RYR2: variants seen among roughly 807,000 people sequenced by gnomAD.
The protein encoded by RYR2 is cardiac muscle ryanodine receptor-calcium release channel.
In RYR2, 227 loss-of-function variants were observed where a neutral mutation model predicts 601.1. The ratio of observed to expected loss-of-function variants is 0.38; its 90% CI spans 0.34 to 0.42. The LOEUF (loss-of-function observed/expected upper bound fraction) is 0.42. Ranked by LOEUF, RYR2 falls within the 10% of genes least tolerant of loss-of-function variation. RYR2 has a pLI of 1.00. For missense variants in RYR2, 4,646 were observed against 6,156.5 expected (o/e 0.75, Z 8.21); for synonymous variants, 2,223 against 2,175.1 (o/e 1.02, Z -0.61).
intron 60 of RYR2, 81 bp downstream of exon 60, chr1:237,674,927 G>A: frequency 1.4e-6 from 1 of 727,892 alleles, no homozygotes; most frequent in Non-Finnish European, 2.3e-6. Context: ...GAACAACACA[G>A]GCTGCTGAGC....
intron 1 of RYR2, among the ~76,000 whole-genome samples, chr1:237,061,287 CT>C (rs1345082793): frequency 0.021 from 976 of 46,504 alleles, 5 homozygotes; most frequent in East Asian, 0.096. Flanking sequence ...ATCTATCTAT[CT>C]ATCTATCTAT....
At chr1:237,743,990 A>G (rs144551332) in intron 80 of RYR2, among the ~76,000 whole-genome samples, 212 of 152,220 alleles carry the variant, frequency 1.4e-3, no homozygotes, top group African/African-American at 4.9e-3. Context: ...CACCAGTTTT[A>G]TTACTTGAAA....
chr1:237,431,975 A>G (rs909346035), intron 12 of RYR2, among the ~76,000 whole-genome samples: 1 of 152,164 alleles, frequency 6.6e-6, no homozygotes, highest in East Asian at 1.9e-4. Flanking sequence ...ATCTTATTTT[A>G]TATTCTGTGA....
At position 237,187,848 on chromosome 1, in the gene RYR2, G is replaced by A. The variant is rs531124311; in HGVS notation, c.49-82649G>A. Among the ~76,000 whole-genome samples, 158 of 152,282 alleles carry A rather than the reference G, an allele frequency of 1.0e-3. 2 individuals carry two copies. Among genetic ancestry groups the A allele is most frequent in the African/African-American group, 3.5e-3 (145 of 41,566 alleles). On this transcript the variant is annotated intron_variant, in intron 1 of 104. Coordinates refer to ENST00000366574, the MANE Select transcript of RYR2 (RefSeq NM_001035.3). ...ATTTGAGATTATTTTAAGAACCTAA[G>A]TACACCTTTTAGAGCAGGGATTTCT... is the stretch of plus-strand genomic sequence containing the variant.
At chr1:237,769,865 G>A (rs150481860) in intron 84 of RYR2, among the ~76,000 whole-genome samples, 229 of 151,314 alleles carry the variant, frequency 1.5e-3, no homozygotes, top group African/African-American at 5.3e-3. Context: ...TTCCCCCCAC[G>A]GACACTTTCT....
At chr1:237,515,188 T>A (rs1475952442) in intron 24 of RYR2, among the ~76,000 whole-genome samples, 1 of 152,198 alleles carries the variant, frequency 6.6e-6, no homozygotes, top group African/African-American at 2.4e-5. Flanking sequence ...GCCTGCCAGA[T>A]GACCCTCAAA....
chr1:237,819,050 C>T lies in RYR2; in HGVS notation c.14448C>T (p.His4816=), dbSNP rs776681179. 2 of 1,613,626 alleles carry T rather than the reference C, an allele frequency of 1.2e-6. No individual in the cohort carries two copies. The highest frequency in any genetic ancestry group is 2.7e-5 in the African/African-American group (2 of 75,000). ...CDDMLTCYMF[H]MYVGVRAGGG... ...CTTTTTTCCAGTGCTATATGTTCCA[C>T]ATGTATGTTGGAGTTCGTGCTGGAG... The change falls in exon 101 of 105, where the codon CAC becomes CAT. Residue 4816 remains histidine (H), a synonymous_variant. Transcript: ENST00000366574. The surrounding 1 kb of genome is among the most constrained non-coding windows in gnomAD (Gnocchi z 4.0).
At chr1:237,590,049 G>C (rs564202316) in intron 30 of RYR2, 48 bp downstream of exon 30, 4 of 1,531,646 alleles carry the variant, frequency 2.6e-6, no homozygotes, top group Non-Finnish European at 3.6e-6. Context: ...AGCAGGAAAA[G>C]AATATCTTTA....
chr1:237,509,277 A>T (rs1386319577), intron 23 of RYR2, among the ~76,000 whole-genome samples: 1 of 152,068 alleles, frequency 6.6e-6, no homozygotes, highest in African/African-American at 2.4e-5. Flanking sequence ...CTTTTCCAAG[A>T]CCTTCCCTGA....
At position 237,740,491 on chromosome 1, in the gene RYR2, G is replaced by T. The variant is rs1691514964; in HGVS notation, c.11092-1805G>T. Among the ~76,000 whole-genome samples the T allele has an allele frequency of 1.3e-5, 2 of 151,872 alleles. 1 individual carries two copies. The highest frequency in any genetic ancestry group is 1.3e-4 in the Admixed American group (2 of 15,236). On this transcript the variant is annotated intron_variant, in intron 79 of 104. Transcript: ENST00000366574. ...TTTTATTAAAAATTTTTTTCAGCTA[G>T]TGCTTTAAATGGATTATCCCTTTGT... is the stretch of plus-strand genomic sequence containing the variant.
intron 17 of RYR2, among the ~76,000 whole-genome samples, chr1:237,473,274 A>G (rs993042687): frequency 1.3e-5 from 2 of 151,866 alleles, no homozygotes; most frequent in Non-Finnish European, 2.9e-5. Flanking sequence ...AAATACAAAA[A>G]TTAGCAAGGC....
At chr1:237,239,810 T>C (rs1685957553) in intron 1 of RYR2, among the ~76,000 whole-genome samples, 1 of 152,216 alleles carries the variant, frequency 6.6e-6, no homozygotes, top group African/African-American at 2.4e-5. Context: ...CTCTTAATTT[T>C]TTCAGCAGTT....
intron 29 of RYR2, among the ~76,000 whole-genome samples, chr1:237,575,449 T>G (rs1673129580): frequency 1.3e-5 from 2 of 152,144 alleles, no homozygotes; most frequent in African/African-American, 4.8e-5. Flanking sequence ...ATGTACACAT[T>G]CCTCAAGAGC....
At position 237,331,657 on chromosome 1, in the gene RYR2, C is replaced by A. The variant is rs544995078; in HGVS notation, c.273+675C>A. ...AGCTGGGACTACAGGCTCCTGCCAC[C>A]ACCACACCTGGCTATTTTTTTTTTT... On this transcript the variant is annotated intron_variant, in intron 3 of 104. Transcript: ENST00000366574. Among the ~76,000 whole-genome samples, 4 of 150,668 alleles carry A rather than the reference C, an allele frequency of 2.7e-5. No homozygotes were observed. The East Asian group carries it at 7.8e-4, about 29-fold the overall frequency.
At position 237,690,177 on chromosome 1, in the gene RYR2, G is replaced by C. The variant is rs1573533874; in HGVS notation, c.9067+2673G>C. ...TAAGCATTTAAGCTTCACATATTAT[G>C]GGTATTGGTATAGTATTTAAATGTC... On this transcript the variant is annotated intron_variant, in intron 63 of 104. Coordinates refer to ENST00000366574, the MANE Select transcript of RYR2 (RefSeq NM_001035.3). Among the ~76,000 whole-genome samples, 4 of 152,078 alleles carry C rather than the reference G, an allele frequency of 2.6e-5. No individual in the cohort carries two copies. The South Asian group carries it at 6.2e-4, about 24-fold the overall frequency.
intron 61 of RYR2, 61 bp from the exon 62 acceptor site, chr1:237,680,395 C>T: frequency 6.8e-7 from 1 of 1,473,580 alleles, no homozygotes; most frequent in East Asian, 2.3e-5. Flanking sequence ...AAAGCCTCAG[C>T]TCCCATTCAT....
chr1:237,073,498 G>A (rs1048423894), intron 1 of RYR2, among the ~76,000 whole-genome samples: 1 of 152,194 alleles, frequency 6.6e-6, no homozygotes, highest in African/African-American at 2.4e-5. Context: ...GCCCCTCTGA[G>A]TTGAGATGTG....
At chr1:237,419,385 T>C (rs1705333363) in intron 11 of RYR2, among the ~76,000 whole-genome samples, 2 of 152,178 alleles carry the variant, frequency 1.3e-5, no homozygotes, top group Admixed American at 1.3e-4. Flanking sequence ...TGTGACTACA[T>C]AAATCTAGAT....
intron 20 of RYR2, among the ~76,000 whole-genome samples, chr1:237,497,765 G>T (rs1664226072): frequency 6.6e-6 from 1 of 152,176 alleles, no homozygotes; most frequent in Non-Finnish European, 1.5e-5. Context: ...CCATGTAGTT[G>T]TATCTAACAA....
Sources: gnomAD v4.1 joint callset for allele counts (sites outside exome capture counted in the v4.1 genomes callset) on GRCh38, gnomAD v4.1.1 for gene constraint, Gnocchi (gnomAD v3.1) non-coding constraint, MANE v1.5 for transcripts, NCBI Gene and HGNC (gene_info 2026-07-23, HGNC 2026-07-21) for gene names.